WIPF1: variants seen among roughly 807,000 people sequenced by gnomAD.
The protein encoded by WIPF1 is WAS/WASL interacting protein family member 1.
In WIPF1, 13 loss-of-function variants were observed where a neutral mutation model predicts 35.4. The observed-to-expected ratio is 0.37, with a 90% CI of 0.24 to 0.58. The LOEUF (loss-of-function observed/expected upper bound fraction) is 0.58, where lower values mean the gene tolerates loss of function less well. Ranked by LOEUF, WIPF1 falls within the 20% of genes least tolerant of loss-of-function variation. WIPF1 has a pLI of 0.74. For synonymous variants in WIPF1, 267 were observed against 266.3 expected, an observed-to-expected ratio of 1.00 and a Z score of -0.02; for missense variants, 591 against 667.0, an observed-to-expected ratio of 0.89 and a Z score of 1.25.
intron 5 of WIPF1, among the ~76,000 whole-genome samples, chr2:174,569,745 G>A (rs1306400512): frequency 6.6e-6 from 1 of 152,172 alleles, no homozygotes; most frequent in Admixed American, 6.5e-5. Context: ...AGAGGTACAG[G>A]GATAGGAGAC....
At chr2:174,649,491 C>A (rs1687487155) in intron 1 of WIPF1, among the ~76,000 whole-genome samples, 1 of 152,132 alleles carries the variant, frequency 6.6e-6, no homozygotes, top group South Asian at 2.1e-4. Flanking sequence ...CTACGTGTCA[C>A]CCCTATAGTT....
chr2:174,619,611 T>C (rs1686614634), intron 1 of WIPF1, among the ~76,000 whole-genome samples: 1 of 152,206 alleles, frequency 6.6e-6, no homozygotes, highest in African/African-American at 2.4e-5. Flanking sequence ...ACAGTGCAGA[T>C]GGCCTTCGGG....
intron 1 of WIPF1, among the ~76,000 whole-genome samples, chr2:174,639,618 T>C (rs1215697633): frequency 6.6e-6 from 1 of 152,210 alleles, no homozygotes; most frequent in Non-Finnish European, 1.5e-5. Flanking sequence ...TATTAACCCC[T>C]TGTCAGATGT....
chr2:174,618,694 G>A (rs2105911467), intron 1 of WIPF1, among the ~76,000 whole-genome samples: 1 of 152,276 alleles, frequency 6.6e-6, no homozygotes, highest in East Asian at 1.9e-4. Flanking sequence ...GACAAGTTAA[G>A]TTATTTGACC....
Position 174,560,964 on chromosome 2 carries a change from T to C in WIPF1, c.*1583A>G, listed in dbSNP as rs1684471169. 1 of 152,650 alleles carries C rather than the reference T, an allele frequency of 6.6e-6. No individual in the cohort carries two copies. Among genetic ancestry groups the C allele is most frequent in the Non-Finnish European group, 1.5e-5 (1 of 68,038 alleles). 9.5% of individuals were successfully genotyped at this position (152,650 alleles called of 1,614,324 possible). A position where few individuals can be genotyped will look rare whatever the true frequency, so the allele number is the denominator to read the frequency against. On this transcript the variant is annotated 3_prime_UTR_variant, in exon 8 of 8. Transcript: ENST00000679041. ...GATACAATGTTTAGGTAGATATACA[T>C]ATACATATGTGGTCATGTGTTTTTA...
rs922124983 is a variant in WIPF1 at position 174,560,832 on chromosome 2, A to T, written c.*1715T>A. ...ACTCTAAGTTCTTTTGCTTTTATAT[A>T]AATGAAACATTTATTCTATAAATAG... On this transcript the variant is annotated 3_prime_UTR_variant, in exon 8 of 8. Transcript: ENST00000679041. 1.4e-4 allele frequency: 21 copies of T among 152,614 alleles called. No individual in the cohort carries two copies. Among genetic ancestry groups the T allele is most frequent in the African/African-American group, 4.8e-4 (20 of 41,448 alleles). 9.5% of individuals were successfully genotyped at this position (152,614 alleles called of 1,614,324 possible). A position where few individuals can be genotyped will look rare whatever the true frequency, so the allele number is the denominator to read the frequency against.
At position 174,562,401 on chromosome 2, in the gene WIPF1, C is replaced by G; in HGVS notation, c.*146G>C. ...AGGTGCATTTCTTACCGATTCCCAC[C>G]CACACACGCATATTCCCACTCCCCC... is the stretch of plus-strand genomic sequence containing the variant. On this transcript the variant is annotated 3_prime_UTR_variant, in exon 8 of 8. Transcript: ENST00000679041. 1 of 1,510,518 alleles carries G rather than the reference C, an allele frequency of 6.6e-7. No individual in the cohort carries two copies. Among genetic ancestry groups the G allele is most frequent in the Non-Finnish European group, 8.9e-7 (1 of 1,127,118 alleles). 93.6% of individuals were successfully genotyped at this position (1,510,518 alleles called of 1,614,324 possible).
At chr2:174,649,819 C>T (rs961574559) in intron 1 of WIPF1, among the ~76,000 whole-genome samples, 3 of 152,166 alleles carry the variant, frequency 2.0e-5, no homozygotes, top group Admixed American at 2.0e-4. Context: ...AAATAGTAAT[C>T]AAGAATAATT....
At chr2:174,664,742 G>A (rs949642963) in intron 1 of WIPF1, among the ~76,000 whole-genome samples, 1 of 152,228 alleles carries the variant, frequency 6.6e-6, no homozygotes, top group Non-Finnish European at 1.5e-5. Context: ...CTGAAACCCA[G>A]ATGGGGTCTG....
intron 1 of WIPF1, among the ~76,000 whole-genome samples, chr2:174,607,361 C>A (rs535703764): frequency 6.6e-6 from 1 of 152,168 alleles, no homozygotes; most frequent in African/African-American, 2.4e-5. Flanking sequence ...CGAGATCGCA[C>A]CACTGCACTC....
chr2:174,681,100 CTT>C (rs1418340349), intron 1 of WIPF1, among the ~76,000 whole-genome samples: 1 of 152,236 alleles, frequency 6.6e-6, no homozygotes, highest in Non-Finnish European at 1.5e-5. Context: ...TTACAAATCT[CTT>C]TGCACTACGT....
intron 1 of WIPF1, among the ~76,000 whole-genome samples, chr2:174,676,131 T>C (rs1688125693): frequency 6.6e-6 from 1 of 151,170 alleles, no homozygotes; most frequent in Admixed American, 6.6e-5. Flanking sequence ...TTTTTCTTTT[T>C]GGTATTTTTT....
At position 174,571,753 on chromosome 2, in the gene WIPF1, G is replaced by C; in HGVS notation, c.1052C>G (p.Pro351Arg). The C allele has an allele frequency of 6.2e-7, 1 of 1,614,208 alleles. No homozygotes were observed. ...LSSSTPPLPS[P>R]GRSGPLPPPP... is the part of the protein sequence containing the mutation. The stretch of plus-strand genomic sequence containing the variant: ...GGGAGGAAGAGGACCTGAACGTCCT[G>C]GCGAAGGTAACGGGGGCGTGGACGA... Residue 351 changes from proline to arginine, a missense_variant, in exon 5 of 8, where the codon CCA (proline) becomes CGA (arginine). Pro to Arg is a moderately radical substitution (Grantham distance 103). Around this residue, in one of 3 missense-constraint regions of WIPF1, gnomAD observed 471 missense variants for 501.1 expected, o/e 0.94. Transcript: ENST00000679041. The surrounding 1 kb of genome is among the most constrained non-coding windows in gnomAD (Gnocchi z 4.6).
rs184841420 is a variant in WIPF1 at position 174,678,805 on chromosome 2, T to G, written c.-39+3969A>C. 2.3e-3 allele frequency among the ~76,000 whole-genome samples: 343 copies of G among 152,374 alleles called. 2 individuals carry two copies. The highest frequency in any genetic ancestry group is 3.8e-3 in the Non-Finnish European group (258 of 68,040). On this transcript the variant is annotated intron_variant, in intron 1 of 8. Transcript: ENST00000272746. Reference sequence around the variant, plus strand: ...TCCTGGGTAAGCAGATACTGCGGGCTGGCAGCCCCTCAATACTAAGATTCT... The same window carrying G: ...TCCTGGGTAAGCAGATACTGCGGGCGGGCAGCCCCTCAATACTAAGATTCT...
upstream of WIPF1, among the ~76,000 whole-genome samples, chr2:174,600,096 A>T (rs1390009440): frequency 6.6e-6 from 1 of 152,154 alleles, no homozygotes; most frequent in Non-Finnish European, 1.5e-5. Context: ...TAGGAGGCAG[A>T]GCTCAGGAGG....
chr2:174,577,917 CA>C (rs35709277), intron 3 of WIPF1, among the ~76,000 whole-genome samples: 85 of 144,990 alleles, frequency 5.9e-4, no homozygotes, highest in Non-Finnish European at 7.1e-4. Context: ...ACCCTGTCTC[CA>C]AAAAAAAAAA....
chr2:174,571,768 G>A lies in WIPF1; in HGVS notation c.1037C>T (p.Pro346Leu), dbSNP rs149434153. 2,929 of 1,614,210 alleles carry A rather than the reference G, an allele frequency of 1.8e-3. 6 individuals carry two copies. The highest frequency in any genetic ancestry group is 2.3e-3 in the Non-Finnish European group (2,748 of 1,180,040). The change falls in exon 5 of 8, where the codon CCC becomes CTC. Residue 346 changes from proline (P) to leucine (L), a missense_variant. Coordinates refer to ENST00000679041, the MANE Select transcript of WIPF1 (RefSeq NM_001375834.1). The surrounding 1 kb of genome is among the most constrained non-coding windows in gnomAD (Gnocchi z 4.6). Reference protein sequence around the residue: ...QRNLSLSSSTPPLPSPGRSGP... With the variant: ...QRNLSLSSSTLPLPSPGRSGP... ...TGAACGTCCTGGCGAAGGTAACGGGGGCGTGGACGAACTGAGGGACAGATT... is the reference window on the plus strand; with the variant it reads ...TGAACGTCCTGGCGAAGGTAACGGGAGCGTGGACGAACTGAGGGACAGATT...
At chr2:174,580,027 C>T (rs1319854464) in intron 3 of WIPF1, among the ~76,000 whole-genome samples, 2 of 151,976 alleles carry the variant, frequency 1.3e-5, no homozygotes, top group African/African-American at 2.4e-5. Context: ...CTCAGCTCAC[C>T]GTAACTTCCA....
At chr2:174,601,502 A>T (rs1429537362), upstream of WIPF1, among the ~76,000 whole-genome samples, 4 of 152,382 alleles carry the variant, frequency 2.6e-5, no homozygotes, top group East Asian at 7.7e-4. Context: ...GGGGGGAAAT[A>T]AAAAGATAAA....
Sources: allele counts gnomAD v4.1 joint callset (sites outside exome capture counted in the v4.1 genomes callset), GRCh38; gene constraint gnomAD v4.1.1; regional missense constraint gnomAD v4.1.1; non-coding constraint Gnocchi (gnomAD v3.1); transcripts MANE v1.5; gene names NCBI Gene and HGNC (gene_info 2026-07-23, HGNC 2026-07-21).